Variants in TAF4B observed in about 807,000 individuals in gnomAD.
The protein encoded by TAF4B is TATA-box binding protein associated factor 4b, also known as transcription initiation factor TFIID subunit 4B.
A neutral mutation model predicts 86.4 loss-of-function variants in TAF4B; 38 were observed. That is an observed-to-expected ratio of 0.44 (90% CI 0.34 to 0.58). The LOEUF is 0.58. TAF4B is among the 20% of genes least tolerant of loss of function. The pLI, the probability that TAF4B is intolerant of heterozygous loss-of-function variation, is 0.02. For missense variants in TAF4B, 988 were observed against 1,027.6 expected (o/e 0.96, Z 0.53); for synonymous variants, 388 against 391.2 (o/e 0.99, Z 0.10).
At chr18:26,298,560 T>G (rs1449366616) in intron 9 of TAF4B, among the ~76,000 whole-genome samples, 1 of 151,264 alleles carries the variant, frequency 6.6e-6, no homozygotes, top group Non-Finnish European at 1.5e-5. Flanking sequence ...AGAAACAAGG[T>G]CTTGCTCTGT....
At chr18:26,230,468 T>C (rs1212585837) in intron 1 of TAF4B, among the ~76,000 whole-genome samples, 1 of 152,200 alleles carries the variant, frequency 6.6e-6, no homozygotes, top group Non-Finnish European at 1.5e-5. Context: ...CTGCTGGGCT[T>C]TGTGAAATGA....
At chr18:26,384,766 A>T (rs8095800) in intron 14 of TAF4B, among the ~76,000 whole-genome samples, 12,150 of 152,256 alleles carry the variant, frequency 0.08, 1,518 homozygotes, top group African/African-American at 0.27. Context: ...TAGAGAGCGT[A>T]TGCCATTGTC....
chr18:26,333,356 G>T (rs1568158373), intron 12 of TAF4B, among the ~76,000 whole-genome samples: 1 of 151,198 alleles, frequency 6.6e-6, no homozygotes, highest in Non-Finnish European at 1.5e-5. Context: ...AAGTAGTTGG[G>T]ACTACAGGTG....
chr18:26,327,680 C>T (rs1233221651), intron 12 of TAF4B, among the ~76,000 whole-genome samples: 4 of 152,188 alleles, frequency 2.6e-5, no homozygotes, highest in African/African-American at 9.7e-5. Context: ...AAGCAGTTCT[C>T]TGCCTCAGAC....
intron 10 of TAF4B, among the ~76,000 whole-genome samples, chr18:26,319,126 C>T (rs886739386): frequency 5.9e-5 from 9 of 152,052 alleles, no homozygotes; most frequent in African/African-American, 2.2e-4. Context: ...CCTGGCAGGT[C>T]GAAGTTGCAG....
At chr18:26,232,712 C>T (rs1268930889) in intron 1 of TAF4B, among the ~76,000 whole-genome samples, 3 of 152,338 alleles carry the variant, frequency 2.0e-5, no homozygotes, top group African/African-American at 7.2e-5. Context: ...ACAAAGTCCT[C>T]CTTTCTCAGC....
chr18:26,270,860 A>G (rs1280749194), intron 3 of TAF4B, among the ~76,000 whole-genome samples: 1 of 152,144 alleles, frequency 6.6e-6, no homozygotes, highest in African/African-American at 2.4e-5. Flanking sequence ...GTGTTAGTAC[A>G]TATCTGTGAC....
intron 1 of TAF4B, among the ~76,000 whole-genome samples, chr18:26,238,896 A>G (rs1003882864): frequency 2.0e-5 from 3 of 152,176 alleles, no homozygotes; most frequent in African/African-American, 4.8e-5. Context: ...AGCTTCATCC[A>G]TGTCCCTACA....
At chr18:26,316,958 A>G (rs999069039) in intron 10 of TAF4B, among the ~76,000 whole-genome samples, 4 of 151,784 alleles carry the variant, frequency 2.6e-5, no homozygotes, top group Non-Finnish European at 5.9e-5. Flanking sequence ...CCTTATTGCC[A>G]TATAATTATC....
In TAF4B at chr18:26,226,894, C is replaced by G. The variant is rs1000301825; in HGVS notation, c.-40C>G. The G allele has an allele frequency of 1.5e-6, 2 of 1,342,036 alleles. No individual in the cohort carries two copies. The highest frequency in any genetic ancestry group is 3.1e-5 in the East Asian group (1 of 32,116). 83.1% of individuals were successfully genotyped at this position (1,342,036 alleles called of 1,614,324 possible). On this transcript the variant is annotated 5_prime_UTR_variant, in exon 1 of 15. Coordinates refer to ENST00000269142, the MANE Select transcript of TAF4B (RefSeq NM_005640.3). ...CCAAGCCTCCCCTCACCTCTGCTCC[C>G]GGAACCGCAGCGCCAAAGCTGCCGC...
intron 9 of TAF4B, among the ~76,000 whole-genome samples, chr18:26,295,826 T>A (rs1469640387): frequency 6.6e-6 from 1 of 152,210 alleles, no homozygotes; most frequent in Non-Finnish European, 1.5e-5. Context: ...ACTTCAGGAT[T>A]TTTTATTTTT....
chr18:26,301,282 T>G (rs57435528), intron 9 of TAF4B, among the ~76,000 whole-genome samples: 4,174 of 149,450 alleles, frequency 0.028, 178 homozygotes, highest in African/African-American at 0.098. Context: ...TTTCTTTGGT[T>G]GTTGTTGTTG....
At chr18:26,285,852 G>T (rs748824837) in intron 6 of TAF4B, 30 bp from the exon 7 acceptor site, 1 of 1,577,970 alleles carries the variant, frequency 6.3e-7, no homozygotes, top group South Asian at 1.2e-5. Context: ...TTTGTTAGCA[G>T]TGTTTTTTTC....
At chr18:26,244,073 G>T (rs149095957) in intron 1 of TAF4B, among the ~76,000 whole-genome samples, 11 of 152,156 alleles carry the variant, frequency 7.2e-5, no homozygotes, top group African/African-American at 2.7e-4. Flanking sequence ...CTCAAACTCC[G>T]TGCTGGGAGA....
At chr18:26,311,443 T>C (rs1235005076) in intron 9 of TAF4B, among the ~76,000 whole-genome samples, 1 of 152,088 alleles carries the variant, frequency 6.6e-6, no homozygotes, top group East Asian at 1.9e-4. Context: ...GAGACCAGCC[T>C]GGCCAACGTG....
intron 1 of TAF4B, among the ~76,000 whole-genome samples, chr18:26,242,283 T>C (rs1284904443): frequency 6.6e-6 from 1 of 152,192 alleles, no homozygotes; most frequent in Non-Finnish European, 1.5e-5. Context: ...ATTGGGTGCA[T>C]ATATATTTAG....
intron 5 of TAF4B, among the ~76,000 whole-genome samples, chr18:26,276,422 C>T (rs983922473): frequency 6.6e-6 from 1 of 152,094 alleles, no homozygotes; most frequent in African/African-American, 2.4e-5. Context: ...TTTTGAACTA[C>T]TATAATATAC....
chr18:26,319,943 C>T (rs1469083882), intron 10 of TAF4B, among the ~76,000 whole-genome samples: 1 of 152,006 alleles, frequency 6.6e-6, no homozygotes, highest in Non-Finnish European at 1.5e-5. Context: ...TTTTTCCCTG[C>T]CTGAATCTGA....
intron 1 of TAF4B, among the ~76,000 whole-genome samples, chr18:26,243,272 T>C (rs2055868702): frequency 6.6e-6 from 1 of 152,172 alleles, no homozygotes; most frequent in African/African-American, 2.4e-5. Flanking sequence ...TCCTGGAGGC[T>C]TTGTTTATTT....
Sources: allele counts gnomAD v4.1 joint callset (sites outside exome capture counted in the v4.1 genomes callset), GRCh38; gene constraint gnomAD v4.1.1; transcripts MANE v1.5; gene names NCBI Gene and HGNC (gene_info 2026-07-23, HGNC 2026-07-21).